STX8: variants seen among roughly 807,000 people sequenced by gnomAD.
STX8 encodes the protein syntaxin-8.
In STX8, 23 loss-of-function variants were observed where a neutral mutation model predicts 37.5. That is an observed-to-expected ratio of 0.61 (90% CI 0.44 to 0.87). The LOEUF (loss-of-function observed/expected upper bound fraction) is 0.87, where lower values mean the gene tolerates loss of function less well. Ranked by LOEUF, STX8 falls within the 40% of genes least tolerant of loss-of-function variation. The pLI, the probability that STX8 is intolerant of heterozygous loss-of-function variation, is 0.00. For synonymous variants in STX8, 115 were observed against 99.1 expected (o/e 1.16, Z -0.95); for missense variants, 313 against 284.7 (o/e 1.10, Z -0.71).
intron 6 of STX8, among the ~76,000 whole-genome samples, chr17:9,413,392 T>A (rs2142336801): frequency 6.6e-6 from 1 of 152,286 alleles, no homozygotes; most frequent in East Asian, 1.9e-4. Flanking sequence ...GGCTGGTAGC[T>A]GGGGGACATG....
At chr17:9,312,205 T>G in intron 7 of STX8, among the ~76,000 whole-genome samples, 1 of 151,072 alleles carries the variant, frequency 6.6e-6, no homozygotes. Flanking sequence ...CTTTTTTTTT[T>G]TGTTTTTTGT....
chr17:9,417,019 G>T (rs1001147821), intron 6 of STX8, among the ~76,000 whole-genome samples: 2 of 152,138 alleles, frequency 1.3e-5, no homozygotes, highest in Admixed American at 1.3e-4. Context: ...CTACCCAGAG[G>T]CTGACTCAGT....
intron 1 of STX8, among the ~76,000 whole-genome samples, chr17:9,573,647 A>C (rs552307095): frequency 1.3e-5 from 2 of 152,172 alleles, no homozygotes; most frequent in African/African-American, 2.4e-5. Flanking sequence ...TTCTAAATTG[A>C]CTGAGACCTG....
At chr17:9,464,827 A>G (rs1426465678) in intron 6 of STX8, 1 of 151,236 alleles carries the variant, frequency 6.6e-6, no homozygotes, top group East Asian at 2.0e-4. Context: ...GATTCAAGAA[A>G]TTCTCCTGCC....
At chr17:9,546,938 T>C (rs531139428) in intron 3 of STX8, among the ~76,000 whole-genome samples, 20 of 151,254 alleles carry the variant, frequency 1.3e-4, no homozygotes, top group African/African-American at 4.6e-4. Context: ...ACTGTGTCTA[T>C]GTGTGTGGTA....
intron 7 of STX8, among the ~76,000 whole-genome samples, chr17:9,297,816 G>A (rs1476986638): frequency 6.6e-6 from 1 of 152,188 alleles, no homozygotes; most frequent in African/African-American, 2.4e-5. Flanking sequence ...GTCAAGACTA[G>A]CCTAGGTGAT....
intron 4 of STX8, among the ~76,000 whole-genome samples, chr17:9,517,048 T>C (rs558578807): frequency 6.6e-6 from 1 of 152,304 alleles, no homozygotes; most frequent in Non-Finnish European, 1.5e-5. Flanking sequence ...TGATTTCCTA[T>C]TGTTGCAAAT....
At chr17:9,429,430 G>A (rs1028471203) in intron 6 of STX8, among the ~76,000 whole-genome samples, 17 of 143,200 alleles carry the variant, frequency 1.2e-4, no homozygotes, top group East Asian at 8.1e-4. Flanking sequence ...GGCCAGGCAC[G>A]GTGGCTCACA....
intron 6 of STX8, among the ~76,000 whole-genome samples, chr17:9,416,057 A>T (rs1913180737): frequency 6.6e-6 from 1 of 152,172 alleles, no homozygotes; most frequent in Non-Finnish European, 1.5e-5. Context: ...ATTTCCCTTG[A>T]GTTCTCATTC....
intron 7 of STX8, among the ~76,000 whole-genome samples, chr17:9,297,105 C>CA (rs1271369129): frequency 5.9e-5 from 9 of 151,888 alleles, no homozygotes; most frequent in African/African-American, 2.2e-4. Flanking sequence ...GCATGGTGTC[C>CA]AATGCACAGT....
rs139878925 is a variant in STX8 at position 9,258,378 on chromosome 17, G to A, written c.644-7733C>T. On this transcript the variant is annotated intron_variant, in intron 7 of 7. Transcript: ENST00000306357. ...TAGACGCCGTGCAGAGAAGGTGAGC[G>A]TATTTACATTCTGATTTCCAGATTG... Among the ~76,000 whole-genome samples, 452 of 152,354 alleles carry A rather than the reference G, an allele frequency of 3.0e-3. 1 individual carries two copies. Among genetic ancestry groups the A allele is most frequent in the African/African-American group, 9.3e-3 (388 of 41,568 alleles).
At chr17:9,255,557 T>TAAATAA (rs1906762578) in intron 7 of STX8, among the ~76,000 whole-genome samples, 3 of 109,792 alleles carry the variant, frequency 2.7e-5, no homozygotes, top group East Asian at 2.1e-4. Flanking sequence ...TAAATAAATA[T>TAAATAA]ATAAATAAAT....
chr17:9,439,436 T>G (rs1276701757), intron 6 of STX8, among the ~76,000 whole-genome samples: 1 of 152,162 alleles, frequency 6.6e-6, no homozygotes, highest in Non-Finnish European at 1.5e-5. Context: ...AAAATTGATA[T>G]CAGTTTGCAA....
intron 2 of STX8, among the ~76,000 whole-genome samples, chr17:9,565,724 CA>C (rs1256522966): frequency 6.6e-6 from 1 of 151,562 alleles, no homozygotes; most frequent in Non-Finnish European, 1.5e-5. Flanking sequence ...ATTCCCTATT[CA>C]ATAAGTGGTG....
rs1291954738 is a variant in STX8, at chr17:9,422,277, G to T, written c.542-43624C>A. Among the ~76,000 whole-genome samples the T allele has an allele frequency of 6.6e-5, 10 of 152,100 alleles. 1 individual carries two copies. Among genetic ancestry groups the T allele is most frequent in the African/African-American group, 2.4e-4 (10 of 41,514 alleles). On this transcript the variant is annotated intron_variant, in intron 6 of 7. Transcript: ENST00000306357. ...GTGCCACCACACCTGACTAATTTTT[G>T]TATTTTTTTAGTAGAGACAGGGTTT... is the stretch of plus-strand genomic sequence containing the variant.
chr17:9,508,475 A>G (rs766603772), intron 4 of STX8, among the ~76,000 whole-genome samples: 13 of 152,150 alleles, frequency 8.5e-5, no homozygotes, highest in Non-Finnish European at 1.9e-4. Flanking sequence ...CTACAGGGGC[A>G]TGCCATCACA....
intron 7 of STX8, among the ~76,000 whole-genome samples, chr17:9,298,041 T>G (rs1050095381): frequency 6.6e-6 from 1 of 152,212 alleles, no homozygotes; most frequent in Non-Finnish European, 1.5e-5. Flanking sequence ...TTCCCAAGTG[T>G]CTTCCCCAAA....
intron 7 of STX8, among the ~76,000 whole-genome samples, chr17:9,354,627 A>T (rs1910818508): frequency 6.7e-6 from 1 of 150,198 alleles, no homozygotes; most frequent in Admixed American, 6.6e-5. Flanking sequence ...GCCCATATTT[A>T]CTCTTAACAT....
chr17:9,420,103 T>C (rs1386841311), intron 6 of STX8, among the ~76,000 whole-genome samples: 1 of 152,214 alleles, frequency 6.6e-6, no homozygotes, highest in Admixed American at 6.5e-5. Context: ...ACAACATTCT[T>C]GGTGAAAAAT....
Sources: gnomAD v4.1 joint callset for allele counts (sites outside exome capture counted in the v4.1 genomes callset) on GRCh38, gnomAD v4.1.1 for gene constraint, MANE v1.5 for transcripts, NCBI Gene and HGNC (gene_info 2026-07-23, HGNC 2026-07-21) for gene names.